Variants in MAML3 observed in about 807,000 individuals in gnomAD.
MAML3 encodes mastermind like transcriptional coactivator 3.
A neutral mutation model predicts 101.9 loss-of-function variants in MAML3; 27 were observed. The observed-to-expected ratio is 0.27, with a 90% CI of 0.20 to 0.37. MAML3 has a LOEUF of 0.37. Ranked by LOEUF, MAML3 falls within the 10% of genes least tolerant of loss-of-function variation. MAML3 has a pLI of 1.00. For synonymous variants in MAML3, 501 were observed against 555.9 expected (o/e 0.90, Z 1.39); for missense variants, 1,316 against 1,444.9 (o/e 0.91, Z 1.45).
intron 2 of MAML3, among the ~76,000 whole-genome samples, chr4:139,767,634 C>T (rs983253139): frequency 2.6e-5 from 4 of 152,194 alleles, no homozygotes; most frequent in African/African-American, 7.2e-5. Flanking sequence ...TCCTTTCAGT[C>T]TTTATGTATT....
chr4:140,107,386 C>T (rs1272778957), intron 1 of MAML3, among the ~76,000 whole-genome samples: 2 of 152,076 alleles, frequency 1.3e-5, no homozygotes, highest in Admixed American at 6.5e-5. Flanking sequence ...ACTGTATAAA[C>T]CTTCCTCATT....
intron 1 of MAML3, among the ~76,000 whole-genome samples, chr4:140,073,108 C>G (rs1295170111): frequency 1.3e-5 from 2 of 151,648 alleles, no homozygotes; most frequent in African/African-American, 4.8e-5. Context: ...CTGCAACCAT[C>G]TGGCTTTCCA....
intron 2 of MAML3, among the ~76,000 whole-genome samples, chr4:139,799,453 G>A (rs757054866): frequency 1.1e-4 from 17 of 152,210 alleles, no homozygotes; most frequent in Non-Finnish European, 2.2e-4. Context: ...CACAGCTAAA[G>A]TGTGTACTGT....
chr4:140,067,002 T>G (rs1289172739), intron 1 of MAML3, among the ~76,000 whole-genome samples: 2 of 152,228 alleles, frequency 1.3e-5, no homozygotes, highest in African/African-American at 4.8e-5. Flanking sequence ...AGGGCCAGCA[T>G]GACTTCTACG....
chr4:139,958,775 G>T (rs2604918), intron 1 of MAML3, among the ~76,000 whole-genome samples: 64,001 of 152,026 alleles, frequency 0.42, 16,155 homozygotes, highest in African/African-American at 0.71. Context: ...GTACTTATCC[G>T]TTTTCAGGCC....
chr4:139,976,624 T>C (rs1328831098), intron 1 of MAML3, among the ~76,000 whole-genome samples: 1 of 152,192 alleles, frequency 6.6e-6, no homozygotes. Flanking sequence ...TGAGAAGCCA[T>C]ATGTGGTTAG....
chr4:140,007,121 T>C (rs768921403), intron 1 of MAML3, among the ~76,000 whole-genome samples: 4 of 152,198 alleles, frequency 2.6e-5, no homozygotes, highest in Non-Finnish European at 4.4e-5. Flanking sequence ...GAAGAAAACA[T>C]ACAAGGATAG....
chr4:139,883,801 G>A (rs955740739), intron 2 of MAML3, among the ~76,000 whole-genome samples: 4 of 151,144 alleles, frequency 2.6e-5, no homozygotes, highest in African/African-American at 9.7e-5. Flanking sequence ...TGTATTACTT[G>A]GATAAGGTAA....
intron 1 of MAML3, among the ~76,000 whole-genome samples, chr4:140,033,172 C>T (rs1726934464): frequency 6.6e-6 from 1 of 152,228 alleles, no homozygotes; most frequent in Non-Finnish European, 1.5e-5. Flanking sequence ...TTGAACACAT[C>T]CTGTGAACAT....
At chr4:139,924,716 TG>T (rs1461353129) in intron 1 of MAML3, among the ~76,000 whole-genome samples, 1 of 152,176 alleles carries the variant, frequency 6.6e-6, no homozygotes, top group Non-Finnish European at 1.5e-5. Flanking sequence ...CAAAGAGGGG[TG>T]GGTTTGCACT....
intron 1 of MAML3, among the ~76,000 whole-genome samples, chr4:140,072,221 T>C (rs1403992756): frequency 6.6e-6 from 1 of 152,218 alleles, no homozygotes; most frequent in Non-Finnish European, 1.5e-5. Context: ...CCAACAGATA[T>C]TCCAAATATT....
chr4:139,841,972 A>T (rs904937336), intron 2 of MAML3, among the ~76,000 whole-genome samples: 1 of 152,194 alleles, frequency 6.6e-6, no homozygotes, highest in Non-Finnish European at 1.5e-5. Flanking sequence ...GCTTTGACAA[A>T]CACATTTATT....
intron 2 of MAML3, among the ~76,000 whole-genome samples, chr4:139,827,872 G>C (rs1466945526): frequency 6.6e-6 from 1 of 152,186 alleles, no homozygotes; most frequent in East Asian, 1.9e-4. Flanking sequence ...TTGAGCTGAG[G>C]TGATTGCCTC....
chr4:139,772,091 T>A (rs1472226566), intron 2 of MAML3, among the ~76,000 whole-genome samples: 1 of 149,750 alleles, frequency 6.7e-6, no homozygotes, highest in East Asian at 2.0e-4. Flanking sequence ...ATACAAAAAA[T>A]TAGCTGGGCG....
At chr4:139,825,422 G>C (rs1731045084) in intron 2 of MAML3, among the ~76,000 whole-genome samples, 3 of 152,156 alleles carry the variant, frequency 2.0e-5, no homozygotes, top group Non-Finnish European at 4.4e-5. Context: ...AAGGACTCCA[G>C]GTAAAGGATA....
At chr4:140,035,654 C>T (rs536346759) in intron 1 of MAML3, among the ~76,000 whole-genome samples, 35 of 151,596 alleles carry the variant, frequency 2.3e-4, no homozygotes, top group Non-Finnish European at 2.9e-4. Context: ...TTTAGCCGGG[C>T]GTGGTGGCAC....
intron 2 of MAML3, among the ~76,000 whole-genome samples, chr4:139,856,780 A>C (rs1167872711): frequency 1.3e-5 from 2 of 152,226 alleles, no homozygotes; most frequent in Non-Finnish European, 2.9e-5. Context: ...GTACATCAAC[A>C]AGTATAATCT....
chr4:139,997,504 T>G (rs562309816), intron 1 of MAML3, among the ~76,000 whole-genome samples: 1 of 152,268 alleles, frequency 6.6e-6, no homozygotes, highest in African/African-American at 2.4e-5. Flanking sequence ...CATATACATC[T>G]ACATTTGCTA....
At chr4:140,082,606 C>T (rs901286731) in intron 1 of MAML3, among the ~76,000 whole-genome samples, 2 of 152,140 alleles carry the variant, frequency 1.3e-5, no homozygotes, top group Admixed American at 6.5e-5. Flanking sequence ...ATACAGCTCC[C>T]GACCTCACAG....
Sources: allele counts gnomAD v4.1 joint callset (sites outside exome capture counted in the v4.1 genomes callset), GRCh38; gene constraint gnomAD v4.1.1; transcripts MANE v1.5; gene names NCBI Gene and HGNC (gene_info 2026-07-23, HGNC 2026-07-21).